The following SSH2 variants were observed in gnomAD, a reference collection of about 807,000 sequenced individuals.
SSH2 encodes the protein slingshot protein phosphatase 2.
SSH2 carries 37 observed loss-of-function variants against 135.2 expected under a neutral mutation model. The observed-to-expected ratio is 0.27, with a 90% CI of 0.21 to 0.36. SSH2 has a LOEUF of 0.36. Among genes scored for constraint, SSH2 ranks in the 10% least tolerant of loss-of-function variants. The probability of loss-of-function intolerance (pLI) is 1.00; values close to 1 mark genes in which losing one functional copy is unlikely to be tolerated. For synonymous variants in SSH2, 628 were observed against 646.2 expected (o/e 0.97, Z 0.43); for missense variants, 1,408 against 1,765.3 (o/e 0.80, Z 3.63).
At chr17:29,786,837 C>T (rs2041975536) in intron 3 of SSH2, among the ~76,000 whole-genome samples, 1 of 152,188 alleles carries the variant, frequency 6.6e-6, no homozygotes, top group East Asian at 1.9e-4. Context: ...TGCCGGTGGT[C>T]TCAGCTACTT....
At chr17:29,717,499 CAT>C (rs1205035478) in intron 3 of SSH2, among the ~76,000 whole-genome samples, 1 of 152,182 alleles carries the variant, frequency 6.6e-6, no homozygotes, top group African/African-American at 2.4e-5. Context: ...TTTGAACACA[CAT>C]GTCCATCTAG....
At chr17:29,754,952 C>T (rs1211711318) in intron 3 of SSH2, among the ~76,000 whole-genome samples, 1 of 152,190 alleles carries the variant, frequency 6.6e-6, no homozygotes, top group East Asian at 1.9e-4. Context: ...AGCCACTGCA[C>T]CCAGCCGGGA....
chr17:29,730,289 G>T (rs2040135509), intron 3 of SSH2, among the ~76,000 whole-genome samples: 1 of 149,410 alleles, frequency 6.7e-6, no homozygotes, highest in Admixed American at 6.7e-5. Context: ...TCCAGCCTGG[G>T]TGACAAAGTG....
chr17:29,844,420 GCA>G (rs2151381985), intron 2 of SSH2, among the ~76,000 whole-genome samples: 1 of 152,324 alleles, frequency 6.6e-6, no homozygotes, highest in South Asian at 2.1e-4. Context: ...CCACCCATAA[GCA>G]CAATAATTGG....
At chr17:29,868,794 G>C (rs890998097) in intron 1 of SSH2, among the ~76,000 whole-genome samples, 1 of 151,184 alleles carries the variant, frequency 6.6e-6, no homozygotes, top group Admixed American at 6.6e-5. Context: ...AAGCCCTGTC[G>C]AATATTGGTC....
At chr17:29,815,408 C>T (rs1453077581) in intron 2 of SSH2, among the ~76,000 whole-genome samples, 1 of 152,114 alleles carries the variant, frequency 6.6e-6, no homozygotes, top group African/African-American at 2.4e-5. Context: ...AGGTGTTAGC[C>T]ACCGTGCCTG....
chr17:29,820,613 C>G (rs1353163181), intron 2 of SSH2, among the ~76,000 whole-genome samples: 1 of 152,220 alleles, frequency 6.6e-6, no homozygotes, highest in Admixed American at 6.5e-5. Flanking sequence ...ATGCTATCTA[C>G]AGTAAAAACT....
chr17:29,886,072 C>T (rs1292513372), intron 1 of SSH2, among the ~76,000 whole-genome samples: 1 of 152,064 alleles, frequency 6.6e-6, no homozygotes, highest in African/African-American at 2.4e-5. Flanking sequence ...GAGTAGCAGG[C>T]AGAGGTTGGA....
intron 3 of SSH2, among the ~76,000 whole-genome samples, chr17:29,783,240 G>A (rs1365468188): frequency 6.7e-6 from 1 of 148,156 alleles, no homozygotes; most frequent in Non-Finnish European, 1.5e-5. Context: ...GTTCTCTATA[G>A]GGACAGAACT....
intron 11 of SSH2, among the ~76,000 whole-genome samples, chr17:29,665,754 A>G (rs2037244184): frequency 6.6e-6 from 1 of 152,246 alleles, no homozygotes; most frequent in South Asian, 2.1e-4. Context: ...AAACTCTAAC[A>G]CTTGAGAGAA....
At chr17:29,701,888 A>ATT (rs1456676790) in intron 4 of SSH2, among the ~76,000 whole-genome samples, 1 of 144,990 alleles carries the variant, frequency 6.9e-6, no homozygotes, top group Non-Finnish European at 1.5e-5. Flanking sequence ...GCTAATTTAA[A>ATT]ATTTTTTTTT....
intron 9 of SSH2, 88 bp from the exon 10 acceptor site, chr17:29,667,311 C>T (rs1324335689): frequency 5.8e-6 from 6 of 1,027,202 alleles, no homozygotes; most frequent in Admixed American, 2.6e-5. Context: ...ATGATCCTGT[C>T]TTCTTCAATA....
intron 13 of SSH2, among the ~76,000 whole-genome samples, chr17:29,648,888 C>A (rs140392681): frequency 2.3e-3 from 343 of 152,242 alleles, no homozygotes; most frequent in Non-Finnish European, 3.9e-3. Flanking sequence ...TGCCTGTAAT[C>A]CCAGCACTTT....
At chr17:29,785,491 ATTTT>A (rs34346245) in intron 3 of SSH2, among the ~76,000 whole-genome samples, 1 of 78,496 alleles carries the variant, frequency 1.3e-5, no homozygotes, top group Non-Finnish European at 2.3e-5. Context: ...TTGGCGTTTC[ATTTT>A]TTTTTTTTTT....
chr17:29,786,014 C>A (rs1389657682), intron 3 of SSH2, among the ~76,000 whole-genome samples: 1 of 151,998 alleles, frequency 6.6e-6, no homozygotes, highest in Admixed American at 6.5e-5. Flanking sequence ...CCGTGTCAGC[C>A]AGGATGGTCT....
intron 11 of SSH2, among the ~76,000 whole-genome samples, chr17:29,663,484 T>C (rs1262795944): frequency 6.6e-6 from 1 of 152,206 alleles, no homozygotes; most frequent in Non-Finnish European, 1.5e-5. Context: ...ACAAGTATAA[T>C]AAGATGTTTA....
At chr17:29,765,178 A>G (rs1273356074) in intron 3 of SSH2, among the ~76,000 whole-genome samples, 1 of 152,208 alleles carries the variant, frequency 6.6e-6, no homozygotes. Flanking sequence ...TTGAGAAAGG[A>G]ATCTCATCCT....
intron 12 of SSH2, among the ~76,000 whole-genome samples, chr17:29,651,905 G>A (rs2036592017): frequency 6.6e-6 from 1 of 152,314 alleles, no homozygotes; most frequent in East Asian, 1.9e-4. Context: ...CACTCTGGGA[G>A]GCCGAGGTGG....
chr17:29,894,665 GACTA>G (rs2066410476), intron 1 of SSH2, among the ~76,000 whole-genome samples: 2 of 151,744 alleles, frequency 1.3e-5, no homozygotes, highest in Non-Finnish European at 2.9e-5. Flanking sequence ...AGCTACAAAG[GACTA>G]ACTATTTACC....
Sources: allele counts gnomAD v4.1 joint callset (sites outside exome capture counted in the v4.1 genomes callset), GRCh38; gene constraint gnomAD v4.1.1; transcripts MANE v1.5; gene names NCBI Gene and HGNC (gene_info 2026-07-23, HGNC 2026-07-21).